C1orf87: variants seen among roughly 807,000 people sequenced by gnomAD.
The protein encoded by C1orf87 is uncharacterized protein C1orf87.
Under a neutral mutation model 60.5 loss-of-function variants are expected in C1orf87, and 58 were observed. The ratio of observed to expected loss-of-function variants is 0.96; its 90% CI spans 0.78 to 1.19. The LOEUF is 1.19. Ranked by LOEUF, C1orf87 falls within the 50% of genes most tolerant of loss-of-function variation. The pLI, the probability that C1orf87 is intolerant of heterozygous loss-of-function variation, is 0.00. For missense variants in C1orf87, 673 were observed against 638.6 expected, an observed-to-expected ratio of 1.05 and a Z score of -0.58; for synonymous variants, 236 against 227.4, an observed-to-expected ratio of 1.04 and a Z score of -0.34.
At chr1:60,034,926 C>CTT (rs774637199) in intron 6 of C1orf87, among the ~76,000 whole-genome samples, 12 of 143,794 alleles carry the variant, frequency 8.3e-5, no homozygotes, top group Admixed American at 2.8e-4. Flanking sequence ...ATATTATTTC[C>CTT]TTTTTTTTTT....
At chr1:60,044,159 A>G (rs892500199) in intron 3 of C1orf87, among the ~76,000 whole-genome samples, 24 of 152,278 alleles carry the variant, frequency 1.6e-4, no homozygotes, top group African/African-American at 5.3e-4. Context: ...CCTCCCGAGT[A>G]GCTGGGACTA....
chr1:60,005,435 AAC>A (rs35465626), intron 9 of C1orf87, among the ~76,000 whole-genome samples: 21,693 of 152,086 alleles, frequency 0.14, 1,650 homozygotes, highest in Admixed American at 0.2. Flanking sequence ...AAGTGCTATA[AAC>A]ACAGCTAAAA....
intron 9 of C1orf87, chr1:60,008,502 G>T: frequency 4.3e-6 from 1 of 232,640 alleles, no homozygotes; most frequent in African/African-American, 2.3e-5. Flanking sequence ...CTTTAAAGAG[G>T]TGATTAAGTA....
Position 60,001,105 on chromosome 1 carries a change from T to C in C1orf87, c.1244A>G (p.Glu415Gly). The stretch of plus-strand genomic sequence containing the variant: ...ATGTTCAGTTTTGCTTTGAGACATC[T>C]CGGGGACTTCAGGCTCCATTGGAGG... ...PAPPMEPEVP[E>G]MSQSKTEHMK... Residue 415 changes from glutamate to glycine, a missense_variant, in exon 10 of 12, where the codon GAG becomes GGG. Transcript: ENST00000371201. The C allele has an allele frequency of 6.2e-7, 1 of 1,608,584 alleles. No homozygotes were observed. Among genetic ancestry groups the C allele is most frequent in the Non-Finnish European group, 8.5e-7 (1 of 1,177,196 alleles).
At chr1:60,010,548 G>A in intron 8 of C1orf87, 92 bp from the exon 9 acceptor site, 1 of 1,103,086 alleles carries the variant, frequency 9.1e-7, no homozygotes, top group East Asian at 2.4e-5. Context: ...TAGTGATATT[G>A]AATAAGCTTT....
intron 8 of C1orf87, among the ~76,000 whole-genome samples, chr1:60,014,597 A>G (rs1645112536): frequency 6.6e-6 from 1 of 152,122 alleles, no homozygotes; most frequent in Non-Finnish European, 1.5e-5. Flanking sequence ...TTTTATTGAA[A>G]CATCCTTGTA....
chr1:60,038,009 A>G lies in C1orf87; in HGVS notation c.846T>C (p.His282=). ...AAADLRKTES[H]GTHSQSTPPQ... ...AAGAGTACCTTTGGCTATGAGTGCC[A>G]TGACTCTCAGTTTTTCTCAGGTCTG... The change falls in exon 6 of 12, where the codon CAT becomes CAC. Residue 282 remains histidine, a synonymous_variant. Coordinates refer to ENST00000371201, the MANE Select transcript of C1orf87 (RefSeq NM_152377.3). The G allele has an allele frequency of 1.2e-6, 2 of 1,609,844 alleles. No individual in the cohort carries two copies. Among genetic ancestry groups the G allele is most frequent in the Non-Finnish European group, 1.7e-6 (2 of 1,176,806 alleles).
chr1:59,992,445 G>A (rs1644931070), intron 11 of C1orf87, among the ~76,000 whole-genome samples: 1 of 151,848 alleles, frequency 6.6e-6, no homozygotes. Context: ...TTGTAGTGAT[G>A]AAGTTTCACT....
intron 7 of C1orf87, among the ~76,000 whole-genome samples, chr1:60,026,769 A>C (rs1351026394): frequency 1.3e-5 from 2 of 152,198 alleles, no homozygotes; most frequent in African/African-American, 2.4e-5. Context: ...AGCATCTCTA[A>C]TCCAAAAATC....
intron 2 of C1orf87, among the ~76,000 whole-genome samples, chr1:60,071,935 G>A (rs907707811): frequency 6.6e-6 from 1 of 152,026 alleles, no homozygotes; most frequent in South Asian, 2.1e-4. Flanking sequence ...CCTTTTTTGA[G>A]CCACTGAAAC....
intron 9 of C1orf87, among the ~76,000 whole-genome samples, chr1:60,005,410 A>G (rs961957459): frequency 5.9e-5 from 9 of 151,538 alleles, no homozygotes; most frequent in African/African-American, 1.7e-4. Flanking sequence ...GCATCAAAGA[A>G]TGTCAGGTAG....
intron 2 of C1orf87, among the ~76,000 whole-genome samples, chr1:60,057,187 G>C (rs1645463362): frequency 6.6e-6 from 1 of 152,180 alleles, no homozygotes; most frequent in Non-Finnish European, 1.5e-5. Context: ...TCTCCAGAGA[G>C]AGGACAACAG....
At chr1:60,073,197 G>C (rs1645595719) in intron 1 of C1orf87, among the ~76,000 whole-genome samples, 1 of 152,196 alleles carries the variant, frequency 6.6e-6, no homozygotes, top group Admixed American at 6.5e-5. Flanking sequence ...AAGACAGACA[G>C]ACTTTTGTTG....
At chr1:60,002,597 A>G (rs886867924) in intron 9 of C1orf87, among the ~76,000 whole-genome samples, 1 of 151,864 alleles carries the variant, frequency 6.6e-6, no homozygotes, top group East Asian at 1.9e-4. Flanking sequence ...GTTCACTCTG[A>G]TGGTAGTTTC....
At chr1:60,010,579 G>A (rs1053898368) in intron 8 of C1orf87, 123 bp from the exon 9 acceptor site, 1 of 806,538 alleles carries the variant, frequency 1.2e-6, no homozygotes, top group Admixed American at 2.4e-5. Context: ...TATCATTTAA[G>A]GTCCAATGCA....
chr1:60,026,564 G>A (rs1007449020), intron 7 of C1orf87, among the ~76,000 whole-genome samples: 1 of 151,372 alleles, frequency 6.6e-6, no homozygotes. Flanking sequence ...AAGGGAGGGA[G>A]AGAGAGAGAG....
chr1:60,059,926 A>G (rs759818186), intron 2 of C1orf87, among the ~76,000 whole-genome samples: 7 of 152,208 alleles, frequency 4.6e-5, no homozygotes, highest in Non-Finnish European at 7.3e-5. Flanking sequence ...CAAGACAACC[A>G]GACTTTTCTC....
intron 2 of C1orf87, among the ~76,000 whole-genome samples, chr1:60,061,680 G>A (rs796973938): frequency 7.0e-5 from 10 of 143,296 alleles, no homozygotes; most frequent in African/African-American, 1.8e-4. Context: ...TGGCTCACAC[G>A]TATAATCTCA....
intron 9 of C1orf87, among the ~76,000 whole-genome samples, chr1:60,008,180 G>A (rs969846964): frequency 6.6e-6 from 1 of 151,910 alleles, no homozygotes; most frequent in East Asian, 1.9e-4. Flanking sequence ...AGAGTGACAC[G>A]TTGCCTATAA....
Sources: gnomAD v4.1 joint callset for allele counts (sites outside exome capture counted in the v4.1 genomes callset) on GRCh38, gnomAD v4.1.1 for gene constraint, MANE v1.5 for transcripts, NCBI Gene and HGNC (gene_info 2026-07-23, HGNC 2026-07-21) for gene names.